Variants in CLNK observed in about 807,000 individuals in gnomAD.
CLNK encodes cytokine dependent hematopoietic cell linker.
Under a neutral mutation model 68.6 loss-of-function variants are expected in CLNK, and 74 were observed. That is an observed-to-expected ratio of 1.08 (90% CI 0.89 to 1.31). The LOEUF is 1.31. Ranked by LOEUF, CLNK falls within the 50% of genes most tolerant of loss-of-function variation. The probability of loss-of-function intolerance (pLI) is 0.00; values close to 1 mark genes in which losing one functional copy is unlikely to be tolerated. For missense variants in CLNK, 553 were observed against 515.3 expected, an observed-to-expected ratio of 1.07 and a Z score of -0.71; for synonymous variants, 198 against 172.2, an observed-to-expected ratio of 1.15 and a Z score of -1.17.
chr4:10,613,498 C>T (rs1577167985), intron 2 of CLNK, among the ~76,000 whole-genome samples: 2 of 152,166 alleles, frequency 1.3e-5, no homozygotes, highest in Non-Finnish European at 2.9e-5. Flanking sequence ...GCAGATGTGA[C>T]AATACCCTGT....
intron 16 of CLNK, among the ~76,000 whole-genome samples, chr4:10,508,984 A>G (rs1717445152): frequency 6.6e-6 from 1 of 151,756 alleles, no homozygotes; most frequent in Non-Finnish European, 1.5e-5. Flanking sequence ...ACGTGTGCCT[A>G]TAGTCCTAGC....
the CLNK span, among the ~76,000 whole-genome samples, chr4:10,734,454 G>C: frequency 6.6e-6 from 1 of 152,128 alleles, no homozygotes; most frequent in African/African-American, 2.4e-5. Context: ...TTTTACTCAG[G>C]ACCAGTCTGT....
intron 9 of CLNK, 52 bp downstream of exon 9, chr4:10,542,203 G>C: frequency 7.8e-7 from 1 of 1,279,120 alleles, no homozygotes; most frequent in South Asian, 1.3e-5. Flanking sequence ...TATATCTCTA[G>C]GCTTCTAAAG....
At chr4:10,525,062 A>C (rs74316815) in intron 14 of CLNK, among the ~76,000 whole-genome samples, 9,755 of 152,192 alleles carry the variant, frequency 0.064, 580 homozygotes, top group African/African-American at 0.15. Context: ...AAATATCCTG[A>C]CTGAGCCTTG....
At chr4:10,535,719 C>T (rs2108804935) in intron 11 of CLNK, among the ~76,000 whole-genome samples, 2 of 152,250 alleles carry the variant, frequency 1.3e-5, no homozygotes, top group East Asian at 3.9e-4. Flanking sequence ...TATTTGCTTA[C>T]CTTCCCTTTT....
intron 3 of CLNK, among the ~76,000 whole-genome samples, chr4:10,587,555 C>T (rs1042884705): frequency 6.6e-5 from 10 of 152,174 alleles, no homozygotes; most frequent in African/African-American, 1.2e-4. Flanking sequence ...GTGTCTGGGA[C>T]GTTGGGCACA....
intron 1 of CLNK, among the ~76,000 whole-genome samples, chr4:10,674,224 G>T (rs1011482002): frequency 6.6e-6 from 1 of 150,446 alleles, no homozygotes; most frequent in Non-Finnish European, 1.5e-5. Context: ...AGAAGGAGAC[G>T]TGTTGGGTGG....
In CLNK at chr4:10,657,528, A is replaced by G. The variant is rs116645544; in HGVS notation, c.11+10331T>C. 4.3e-3 allele frequency among the ~76,000 whole-genome samples: 652 copies of G among 152,372 alleles called. 5 individuals are homozygous for G. Among genetic ancestry groups the G allele is most frequent in the African/African-American group, 0.014 (590 of 41,574 alleles). On this transcript the variant is annotated intron_variant, in intron 2 of 18. Transcript: ENST00000226951. ...AATGAAACCTTGACAAAGATGGTAGAGAAATACTTCATGTTTCTTCATCAT... is the reference window on the plus strand; with the variant it reads ...AATGAAACCTTGACAAAGATGGTAGGGAAATACTTCATGTTTCTTCATCAT...
chr4:10,603,920 T>C (rs1456855568), intron 2 of CLNK, among the ~76,000 whole-genome samples: 2 of 152,176 alleles, frequency 1.3e-5, no homozygotes, highest in African/African-American at 4.8e-5. Flanking sequence ...GAAGCCAAGA[T>C]GGGCTTTGGT....
At chr4:10,719,876 ATC>A in the CLNK span, among the ~76,000 whole-genome samples, 1 of 152,330 alleles carries the variant, frequency 6.6e-6, no homozygotes, top group South Asian at 2.1e-4. Context: ...CCAATGTGGA[ATC>A]AAACTGGAAA....
At chr4:10,642,410 A>G (rs1641728602) in intron 2 of CLNK, among the ~76,000 whole-genome samples, 1 of 152,222 alleles carries the variant, frequency 6.6e-6, no homozygotes, top group Admixed American at 6.5e-5. Flanking sequence ...GGTTCAGAGA[A>G]TAAGGAACAT....
chr4:10,634,637 G>T (rs1224351542), intron 2 of CLNK, among the ~76,000 whole-genome samples: 2 of 152,114 alleles, frequency 1.3e-5, no homozygotes, highest in African/African-American at 4.8e-5. Context: ...GCTTCTCAGA[G>T]GCACCTCTGC....
At chr4:10,726,548 A>G in the CLNK span, among the ~76,000 whole-genome samples, 2 of 152,048 alleles carry the variant, frequency 1.3e-5, no homozygotes, top group Non-Finnish European at 2.9e-5. Flanking sequence ...GTTTCCAGGT[A>G]AGGTTACACT....
At chr4:10,564,595 A>C in intron 7 of CLNK, 76 bp downstream of exon 7, 2 of 984,788 alleles carry the variant, frequency 2.0e-6, no homozygotes, top group Non-Finnish European at 3.2e-6. Flanking sequence ...CCTGGGGGAC[A>C]GGAGATGGGG....
At chr4:10,636,921 T>C (rs1177004416) in intron 2 of CLNK, among the ~76,000 whole-genome samples, 1 of 152,168 alleles carries the variant, frequency 6.6e-6, no homozygotes, top group African/African-American at 2.4e-5. Flanking sequence ...ACTGTAAATA[T>C]CTGCCTCCCT....
intron 2 of CLNK, among the ~76,000 whole-genome samples, chr4:10,631,989 G>C (rs1263883376): frequency 6.6e-6 from 1 of 152,224 alleles, no homozygotes; most frequent in Admixed American, 6.5e-5. Context: ...CTGATTTACA[G>C]ATTGAGTTGC....
At chr4:10,693,624 CTGT>C in the CLNK span, among the ~76,000 whole-genome samples, 2 of 152,236 alleles carry the variant, frequency 1.3e-5, no homozygotes, top group Non-Finnish European at 2.9e-5. Flanking sequence ...GGACTCACTT[CTGT>C]TGTTGTAAAC....
At position 10,488,328 on chromosome 4, in the gene CLNK, T is replaced by C. The variant is rs890725861; in HGVS notation, c.*2139A>G. On this transcript the variant is annotated 3_prime_UTR_variant, in exon 19 of 19. Transcript: ENST00000226951. Reference sequence around the variant, plus strand: ...ATAGACATTTCTTGAGAACATAGCATTGAATGGCATGGCCTCAATGAATCA... The same window carrying C: ...ATAGACATTTCTTGAGAACATAGCACTGAATGGCATGGCCTCAATGAATCA... The C allele has an allele frequency of 6.6e-6, 1 of 152,212 alleles. No individual in the cohort carries two copies. Among genetic ancestry groups the C allele is most frequent in the Non-Finnish European group, 1.5e-5 (1 of 68,036 alleles). The allele number at this position is 152,212 out of a possible 1,614,324, so 9.4% of individuals were successfully genotyped here. A position where few individuals can be genotyped will look rare whatever the true frequency, so the allele number is the denominator to read the frequency against.
intron 8 of CLNK, among the ~76,000 whole-genome samples, chr4:10,553,330 C>T (rs922228135): frequency 6.6e-6 from 1 of 152,108 alleles, no homozygotes; most frequent in African/African-American, 2.4e-5. Context: ...GTGCCATATC[C>T]CCCTCTTGGA....
Sources: gnomAD v4.1 joint callset for allele counts (sites outside exome capture counted in the v4.1 genomes callset) on GRCh38, gnomAD v4.1.1 for gene constraint, MANE v1.5 for transcripts, NCBI Gene and HGNC (gene_info 2026-07-23, HGNC 2026-07-21) for gene names.